Variants in RRP1B observed in about 807,000 individuals in gnomAD.
RRP1B encodes the protein ribosomal RNA processing protein 1 homolog B.
In RRP1B, 56 loss-of-function variants were observed where a neutral mutation model predicts 80.2. That is an observed-to-expected ratio of 0.70 (90% CI 0.56 to 0.87). RRP1B has a LOEUF of 0.87. Among genes scored for constraint, RRP1B ranks in the 40% least tolerant of loss-of-function variants. RRP1B has a pLI of 0.00. For missense variants in RRP1B, 807 were observed against 939.8 expected, an observed-to-expected ratio of 0.86 and a Z score of 1.85; for synonymous variants, 351 against 357.6, an observed-to-expected ratio of 0.98 and a Z score of 0.21.
intron 1 of RRP1B, among the ~76,000 whole-genome samples, chr21:43,667,917 CA>C (rs979645360): frequency 8.5e-5 from 13 of 152,146 alleles, no homozygotes; most frequent in African/African-American, 2.9e-4. Context: ...ATAAAAGAAT[CA>C]AAATGCAGGC....
intron 8 of RRP1B, among the ~76,000 whole-genome samples, chr21:43,679,230 CTT>C (rs917598425): frequency 1.4e-5 from 2 of 141,854 alleles, no homozygotes; most frequent in Non-Finnish European, 1.6e-5. Flanking sequence ...TTTTGTGTGT[CTT>C]TTTTTTTTTG....
rs1177751731 is a variant in RRP1B, at chr21:43,687,896, C to T, written c.1522C>T (p.Gln508Ter). 1.9e-6 allele frequency: 3 copies of T among 1,613,134 alleles called. No homozygotes were observed. Among genetic ancestry groups the T allele is most frequent in the Non-Finnish European group, 2.5e-6 (3 of 1,180,046 alleles). The change falls in exon 13 of 16, where the codon CAG (glutamine) becomes TAG (stop). Residue 508 changes from glutamine to a stop codon, truncating the protein, a stop_gained. Coordinates refer to ENST00000340648, the MANE Select transcript of RRP1B (RefSeq NM_015056.3). LOFTEE classifies it high-confidence loss of function. The part of the protein sequence containing the change: ...SQSGPSGSHP[Q>*]GPRGSPTGGA... Reference sequence around the variant, plus strand: ...GAGTGGCCCGAGTGGCAGTCATCCTCAGGGACCTAGAGGGTCCCCGACAGG... The same window carrying T: ...GAGTGGCCCGAGTGGCAGTCATCCTTAGGGACCTAGAGGGTCCCCGACAGG...
chr21:43,667,413 G>A (rs1218195626), intron 1 of RRP1B, among the ~76,000 whole-genome samples: 1 of 146,204 alleles, frequency 6.8e-6, no homozygotes, highest in Non-Finnish European at 1.5e-5. Flanking sequence ...TTTGTTGTTG[G>A]TGTGTGTGTG....
intron 8 of RRP1B, 63 bp downstream of exon 8, chr21:43,676,977 T>A: frequency 6.7e-7 from 1 of 1,498,156 alleles, no homozygotes; most frequent in Admixed American, 1.8e-5. Context: ...AGACAAACAG[T>A]TTTTAATACA....
At position 43,693,499 on chromosome 21, in the gene RRP1B, C is replaced by T. The variant is rs1021096590; in HGVS notation, c.*116C>T. ...TGTAAGTTCCCATAAGTTGTGTGCA[C>T]GAGGTTCTGAGAGTGCCCGCAGGCT... On this transcript the variant is annotated 3_prime_UTR_variant, in exon 16 of 16. Coordinates refer to ENST00000340648, the MANE Select transcript of RRP1B (RefSeq NM_015056.3). This position sits in a 1 kb window ranked among gnomAD's most constrained non-coding sequence, Gnocchi z 4.1. 1.7e-5 allele frequency: 19 copies of T among 1,124,312 alleles called. No individual in the cohort carries two copies. The highest frequency in any genetic ancestry group is 1.4e-4 in the African/African-American group (9 of 62,742). The allele number at this position is 1,124,312 out of a possible 1,614,324, so 69.6% of individuals were successfully genotyped here.
At chr21:43,668,734 C>T (rs2082988295) in intron 1 of RRP1B, among the ~76,000 whole-genome samples, 1 of 152,208 alleles carries the variant, frequency 6.6e-6, no homozygotes, top group Admixed American at 6.5e-5. Context: ...TATTTGTTTG[C>T]ATTCATCTAG....
chr21:43,664,138 T>C (rs2082968823), intron 1 of RRP1B, among the ~76,000 whole-genome samples: 1 of 151,864 alleles, frequency 6.6e-6, no homozygotes. Context: ...AAATAGATGT[T>C]TTAAAAGGGA....
At chr21:43,688,293 C>A in intron 13 of RRP1B, 53 bp downstream of exon 13, 1 of 1,473,130 alleles carries the variant, frequency 6.8e-7, no homozygotes, top group South Asian at 1.4e-5. Context: ...TCACTCGCGT[C>A]CATGGGGCTC....
intron 8 of RRP1B, among the ~76,000 whole-genome samples, chr21:43,681,056 A>T (rs940119400): frequency 6.6e-6 from 1 of 152,072 alleles, no homozygotes; most frequent in Non-Finnish European, 1.5e-5. Flanking sequence ...CCTGGCCAAC[A>T]TGGTGAAACC....
chr21:43,673,846 T>C (rs772943302), intron 3 of RRP1B, 24 bp from the exon 4 acceptor site: 1 of 1,569,474 alleles, frequency 6.4e-7, no homozygotes, highest in South Asian at 1.1e-5. Context: ...AAGCCAAGTA[T>C]TTAGAGCCTT....
chr21:43,673,458 AC>A (rs2083008006), intron 3 of RRP1B, among the ~76,000 whole-genome samples: 1 of 152,042 alleles, frequency 6.6e-6, no homozygotes. Context: ...ACATGGTTAA[AC>A]CCCGTCTTTA....
intron 6 of RRP1B, among the ~76,000 whole-genome samples, 175 bp downstream of exon 6, chr21:43,675,338 A>G (rs573148795): frequency 6.6e-6 from 1 of 152,318 alleles, no homozygotes; most frequent in East Asian, 1.9e-4. Context: ...GGATTTGTGC[A>G]CTGAGGATGT....
Position 43,688,129 on chromosome 21 carries a change from G to C in RRP1B, c.1755G>C (p.Leu585=), listed in dbSNP as rs752330522. 8.8e-6 allele frequency: 14 copies of C among 1,592,064 alleles called. No individual in the cohort carries two copies. Among genetic ancestry groups the C allele is most frequent in the African/African-American group, 5.4e-5 (4 of 74,416 alleles). ...CCGGCAGCCTGGAGCTCTGTGGCCT[G>C]CCCAGCCAGAAAACAGCAAGTTTGA... The part of the protein sequence containing the change: ...AGPGSLELCG[L]PSQKTASLKK... The change falls in exon 13 of 16, where the codon CTG becomes CTC. Residue 585 remains leucine, a synonymous_variant. Transcript: ENST00000340648.
chr21:43,674,496 T>C (rs2083012996), intron 4 of RRP1B, 140 bp from the exon 5 acceptor site: 3 of 659,112 alleles, frequency 4.6e-6, no homozygotes, highest in Non-Finnish European at 7.7e-6. Context: ...ATATGACTGT[T>C]GTGAATATTT....
In RRP1B at chr21:43,693,082, G is replaced by A. The variant is rs577974246; in HGVS notation, c.2084-108G>A. 34 of 1,152,656 alleles carry A rather than the reference G, an allele frequency of 2.9e-5. 1 individual carries two copies. The highest frequency in any genetic ancestry group is 2.2e-4 in the East Asian group (9 of 41,180). The allele number at this position is 1,152,656 out of a possible 1,614,324, so 71.4% of individuals were successfully genotyped here. ...CAGGGCCTTGAGATGGCCCTGCTTC[G>A]TCCTAGCAAGTGGGTGGGGTCGGCA... On this transcript the variant is annotated intron_variant, in intron 15 of 15. Coordinates refer to ENST00000340648, the MANE Select transcript of RRP1B (RefSeq NM_015056.3). This position sits in a 1 kb window ranked among gnomAD's most constrained non-coding sequence, Gnocchi z 4.1.
In RRP1B at chr21:43,679,914, T is replaced by C. The variant is rs2083036664; in HGVS notation, c.796+3000T>C. On this transcript the variant is annotated intron_variant, in intron 8 of 15. Transcript: ENST00000340648. The stretch of plus-strand genomic sequence containing the variant: ...AGGTTTTGTTGTTTGTTTTGTTTTT[T>C]GTTGTCATTGTTGTTTTGGTAGGGG... Among the ~76,000 whole-genome samples, 3 of 152,198 alleles carry C rather than the reference T, an allele frequency of 2.0e-5. No individual in the cohort carries two copies. The South Asian group carries it at 6.2e-4, about 32-fold the overall frequency.
In RRP1B at chr21:43,668,939, C is replaced by T. The variant is rs866227005; in HGVS notation, c.131-945C>T. On this transcript the variant is annotated intron_variant, in intron 1 of 15. Coordinates refer to ENST00000340648, the MANE Select transcript of RRP1B (RefSeq NM_015056.3). ...GATTCTTTATGTCAGTCAGCAAATA[C>T]TTTATGACACCTGGGGTCTACTCAG... 2.6e-5 allele frequency among the ~76,000 whole-genome samples: 4 copies of T among 152,224 alleles called. No homozygotes were observed. The South Asian group carries it at 8.3e-4, about 31-fold the overall frequency.
In RRP1B at chr21:43,686,787, G is replaced by A. The variant is rs2083064827; in HGVS notation, c.1010-17G>A. On this transcript the variant is annotated splice_polypyrimidine_tract_variant and intron_variant, in intron 11 of 15. Transcript: ENST00000340648. Reference sequence around the variant, plus strand: ...GAGCGCCTGGGGAAGCTAACAGTGTGTCACTCTGGCATCTAGGAAGCAGTA... The same window carrying A: ...GAGCGCCTGGGGAAGCTAACAGTGTATCACTCTGGCATCTAGGAAGCAGTA... 4.3e-6 allele frequency: 7 copies of A among 1,613,698 alleles called. No homozygotes were observed. Among genetic ancestry groups the A allele is most frequent in the South Asian group, 1.1e-5 (1 of 91,054 alleles).
intron 14 of RRP1B, 39 bp downstream of exon 14, chr21:43,690,479 A>G: frequency 3.1e-6 from 5 of 1,603,520 alleles, no homozygotes; most frequent in Non-Finnish European, 4.3e-6. Context: ...ACATTTCACC[A>G]CAAGGGCACA....
Sources: allele counts gnomAD v4.1 joint callset (sites outside exome capture counted in the v4.1 genomes callset), GRCh38; gene constraint gnomAD v4.1.1; non-coding constraint Gnocchi (gnomAD v3.1); transcripts MANE v1.5; gene names NCBI Gene and HGNC (gene_info 2026-07-23, HGNC 2026-07-21).